PRDM16: variants seen among roughly 807,000 people sequenced by gnomAD.
PRDM16 encodes the protein PR/SET domain 16.
PRDM16 carries 23 observed loss-of-function variants against 110.6 expected under a neutral mutation model. The ratio of observed to expected loss-of-function variants is 0.21; its 90% CI spans 0.15 to 0.29. The LOEUF (loss-of-function observed/expected upper bound fraction) is 0.29. Ranked by LOEUF, PRDM16 falls within the 10% of genes least tolerant of loss-of-function variation. PRDM16 has a pLI of 1.00. For missense variants in PRDM16, 1,615 were observed against 1,794.3 expected (o/e 0.90, Z 1.81); for synonymous variants, 799 against 781.8 (o/e 1.02, Z -0.37).
intron 1 of PRDM16, among the ~76,000 whole-genome samples, chr1:3,134,724 C>T (rs934243900): frequency 6.6e-6 from 1 of 152,256 alleles, no homozygotes; most frequent in Non-Finnish European, 1.5e-5. Context: ...AAACTTAAAG[C>T]GATTAGACAA....
Position 3,175,997 on chromosome 1 carries a change from A to AGCCAGCCC in PRDM16, c.38-10121_38-10120insCGCCAGCC, listed in dbSNP as rs1195208394. ...CATCCATCCATGCAGCCAGCCAGCC[A>AGCCAGCCC]GCCAGCCAGCCAGCCATCCCCTTAT... On this transcript the variant is annotated intron_variant, in intron 1 of 16. Coordinates refer to ENST00000270722, the MANE Select transcript of PRDM16 (RefSeq NM_022114.4). This position sits in a 1 kb window ranked among gnomAD's most constrained non-coding sequence, Gnocchi z 4.8. Among the ~76,000 whole-genome samples the AGCCAGCCC allele has an allele frequency of 4.0e-5, 4 of 99,676 alleles. No individual in the cohort carries two copies. Among genetic ancestry groups the AGCCAGCCC allele is most frequent in the African/African-American group, 1.5e-4 (4 of 27,102 alleles). The allele number at this position is 99,676 out of a possible 152,430, so 65.4% of individuals were successfully genotyped here. A position where few individuals can be genotyped will look rare whatever the true frequency, so the allele number is the denominator to read the frequency against.
intron 6 of PRDM16, among the ~76,000 whole-genome samples, chr1:3,404,049 C>T (rs1643518466): frequency 6.6e-6 from 1 of 152,206 alleles, no homozygotes; most frequent in African/African-American, 2.4e-5. Flanking sequence ...AAGATACAGT[C>T]TCCTGATGCT....
At chr1:3,184,782 G>A (rs560560995) in intron 1 of PRDM16, among the ~76,000 whole-genome samples, 202 of 152,282 alleles carry the variant, frequency 1.3e-3, no homozygotes, top group Non-Finnish European at 1.9e-3. Flanking sequence ...TGGATGAGTC[G>A]TCTAAATGCC....
intron 1 of PRDM16, among the ~76,000 whole-genome samples, chr1:3,115,711 C>T (rs1642941814): frequency 6.6e-6 from 1 of 152,200 alleles, no homozygotes; most frequent in Admixed American, 6.5e-5. Flanking sequence ...GGCGTCTAGC[C>T]CTTGGCCTGC....
chr1:3,360,450 G>A (rs1642691422), intron 3 of PRDM16, among the ~76,000 whole-genome samples: 1 of 152,206 alleles, frequency 6.6e-6, no homozygotes, highest in South Asian at 2.1e-4. Context: ...TGACACCACC[G>A]ACACGTTGTC....
chr1:3,350,047 A>C lies in PRDM16; in HGVS notation c.439-35105A>C, dbSNP rs1351968692. Among the ~76,000 whole-genome samples the C allele has an allele frequency of 6.6e-6, 1 of 152,204 alleles. No homozygotes were observed. The highest frequency in any genetic ancestry group is 1.5e-5 in the Non-Finnish European group (1 of 68,036). On this transcript the variant is annotated intron_variant, in intron 3 of 16. Transcript: ENST00000270722. This position sits in a 1 kb window ranked among gnomAD's most constrained non-coding sequence, Gnocchi z 7.1. ...TGAGGGGGGAAGAGGACAGGGCAGA[A>C]AAGACCTGGGGCCAGGTGCAGTGGC...
At position 3,243,451 on chromosome 1, in the gene PRDM16, G is replaced by A. The variant is rs920282785; in HGVS notation, c.388-636G>A. 3.3e-5 allele frequency among the ~76,000 whole-genome samples: 5 copies of A among 150,764 alleles called. No homozygotes were observed. In the South Asian group the frequency reaches 1.0e-3, roughly 32 times the overall value. Reference sequence around the variant, plus strand: ...CCAGCACCCACCAAGCCACCCTTCCGCAGGGCGTTGGCCGACCTCTGCCCC... The same window carrying A: ...CCAGCACCCACCAAGCCACCCTTCCACAGGGCGTTGGCCGACCTCTGCCCC... On this transcript the variant is annotated intron_variant, in intron 2 of 16. Transcript: ENST00000270722. The surrounding 1 kb of genome is among the most constrained non-coding windows in gnomAD (Gnocchi z 5.5).
chr1:3,081,487 G>A lies in PRDM16; in HGVS notation c.37+12191G>A, dbSNP rs1207266201. 1.3e-5 allele frequency among the ~76,000 whole-genome samples: 2 copies of A among 152,208 alleles called. No homozygotes were observed. Among genetic ancestry groups the A allele is most frequent in the African/African-American group, 2.4e-5 (1 of 41,468 alleles). ...CTGTGGCCGTGTGAGGAGCAGGGCT[G>A]AGGTGGGGAGAACGCCGACTTGCAT... On this transcript the variant is annotated intron_variant, in intron 1 of 16. Transcript: ENST00000270722. This position sits in a 1 kb window ranked among gnomAD's most constrained non-coding sequence, Gnocchi z 4.6.
At chr1:3,234,278 G>A (rs1347384898) in intron 2 of PRDM16, among the ~76,000 whole-genome samples, 2 of 152,136 alleles carry the variant, frequency 1.3e-5, no homozygotes, top group Non-Finnish European at 2.9e-5. Context: ...CGAGACAGGG[G>A]CTTTCAGAGC....
intron 3 of PRDM16, among the ~76,000 whole-genome samples, chr1:3,278,930 C>G (rs1273153651): frequency 2.6e-5 from 4 of 152,232 alleles, no homozygotes; most frequent in Admixed American, 1.3e-4. Context: ...CCACGCTTCC[C>G]TCCGGCCGGC....
chr1:3,241,196 C>G (rs1639666562), intron 2 of PRDM16, among the ~76,000 whole-genome samples: 1 of 152,246 alleles, frequency 6.6e-6, no homozygotes, highest in South Asian at 2.1e-4. Context: ...GGTTCCGCAA[C>G]GCGGCTCAGG....
intron 3 of PRDM16, among the ~76,000 whole-genome samples, chr1:3,266,101 A>G (rs941238106): frequency 6.6e-6 from 1 of 152,240 alleles, no homozygotes; most frequent in Non-Finnish European, 1.5e-5. Flanking sequence ...TGCAGTCATC[A>G]TAAATGCATA....
At chr1:3,413,529 G>A (rs1643730107) in intron 9 of PRDM16, among the ~76,000 whole-genome samples, 1 of 151,296 alleles carries the variant, frequency 6.6e-6, no homozygotes, top group Non-Finnish European at 1.5e-5. Context: ...TAGGCTTGGG[G>A]AGGGGGTCCT....
chr1:3,222,058 G>A (rs535339434), intron 2 of PRDM16, among the ~76,000 whole-genome samples: 11 of 152,342 alleles, frequency 7.2e-5, no homozygotes, highest in South Asian at 2.1e-4. Context: ...TGCAGGCCCC[G>A]TGCTGGCAGG....
In PRDM16 at chr1:3,382,879, C is replaced by T. The variant is rs1283648622; in HGVS notation, c.439-2273C>T. On this transcript the variant is annotated intron_variant, in intron 3 of 16. Transcript: ENST00000270722. The surrounding 1 kb of genome is among the most constrained non-coding windows in gnomAD (Gnocchi z 6.6). ...GCAGGCCTCTATGGAGAAGTGGACC[C>T]ATGGGCTGGGGACGGGACTGGGATA... is the stretch of plus-strand genomic sequence containing the variant. 1.3e-5 allele frequency among the ~76,000 whole-genome samples: 2 copies of T among 152,198 alleles called. No individual in the cohort carries two copies. The highest frequency in any genetic ancestry group is 2.9e-5 in the Non-Finnish European group (2 of 68,020).
intron 12 of PRDM16, among the ~76,000 whole-genome samples, chr1:3,424,108 C>G (rs138694411): frequency 3.3e-5 from 5 of 152,320 alleles, no homozygotes; most frequent in African/African-American, 1.2e-4. Flanking sequence ...GTCCCAGCCC[C>G]CCGCCGGATG....
At chr1:3,084,106 C>T (rs1471623956) in intron 1 of PRDM16, among the ~76,000 whole-genome samples, 1 of 152,224 alleles carries the variant, frequency 6.6e-6, no homozygotes, top group Admixed American at 6.5e-5. Flanking sequence ...CCCAGCGCTG[C>T]TGTGGGCTCC....
At chr1:3,285,031 A>G (rs1640813988) in intron 3 of PRDM16, among the ~76,000 whole-genome samples, 2 of 152,118 alleles carry the variant, frequency 1.3e-5, no homozygotes, top group Admixed American at 1.3e-4. Context: ...TGAGCATGGA[A>G]CGCTTCACCT....
chr1:3,352,845 G>C (rs763846704), intron 3 of PRDM16, among the ~76,000 whole-genome samples: 5 of 151,916 alleles, frequency 3.3e-5, no homozygotes, highest in Non-Finnish European at 7.4e-5. Context: ...GCCTCTGCCC[G>C]GTGTCAGGAA....
Sources: allele counts gnomAD v4.1 joint callset (sites outside exome capture counted in the v4.1 genomes callset), GRCh38; gene constraint gnomAD v4.1.1; non-coding constraint Gnocchi (gnomAD v3.1); transcripts MANE v1.5; gene names NCBI Gene and HGNC (gene_info 2026-07-23, HGNC 2026-07-21).